Variants in CRIM1 observed in about 807,000 individuals in gnomAD.
CRIM1 encodes cysteine-rich motor neuron 1 protein.
A neutral mutation model predicts 116.4 loss-of-function variants in CRIM1; 32 were observed. The ratio of observed to expected loss-of-function variants is 0.27; its 90% CI spans 0.21 to 0.37. The LOEUF (loss-of-function observed/expected upper bound fraction) is 0.37. Among genes scored for constraint, CRIM1 ranks in the 10% least tolerant of loss-of-function variants. CRIM1 has a pLI of 1.00. For synonymous variants in CRIM1, 590 were observed against 509.2 expected (o/e 1.16, Z -2.13); for missense variants, 1,331 against 1,354.8 (o/e 0.98, Z 0.28).
chr2:36,361,846 C>T (rs1203847193), intron 1 of CRIM1, among the ~76,000 whole-genome samples: 1 of 152,094 alleles, frequency 6.6e-6, no homozygotes, highest in Non-Finnish European at 1.5e-5. Context: ...ATTTTGGAGA[C>T]ACCCCAGTAA....
chr2:36,532,162 T>C (rs764630964), intron 13 of CRIM1: 1 of 357,530 alleles, frequency 2.8e-6, no homozygotes, highest in Non-Finnish European at 5.6e-6. Flanking sequence ...GTTTCAAAAT[T>C]GGCCCTGGAC....
At chr2:36,479,421 A>G (rs1405561307) in intron 6 of CRIM1, 76 bp from the exon 7 acceptor site, 8 of 1,468,876 alleles carry the variant, frequency 5.4e-6, no homozygotes, top group East Asian at 2.3e-5. Context: ...ACCCAGGGAA[A>G]AAATGTCTCT....
rs774662983 is a variant in CRIM1, at chr2:36,522,074, A to G, written c.2207-18A>G. 2.2e-5 allele frequency: 35 copies of G among 1,608,298 alleles called. No individual in the cohort carries two copies. The Admixed American group carries it at 4.0e-4, about 18-fold the overall frequency. ...CCAACAGCATCTTCTTTGCTGACCT[A>G]TATGTTCATTTTTCCAGATCAACCT... On this transcript the variant is annotated intron_variant, in intron 12 of 16. Transcript: ENST00000280527.
rs1264782055 is a variant in CRIM1 at position 36,416,059 on chromosome 2, T to C, written c.505+19272T>C. ...CCTGTCTCTACTAAAAATATAAAAA[T>C]TAGCTTGGCATGGTAGGGTGTGCCT... On this transcript the variant is annotated intron_variant, in intron 2 of 16. Transcript: ENST00000280527. Among the ~76,000 whole-genome samples, 8 of 152,110 alleles carry C rather than the reference T, an allele frequency of 5.3e-5. No homozygotes were observed. In the East Asian group the frequency reaches 1.5e-3, roughly 29 times the overall value.
At chr2:36,396,037 G>A (rs1237588841) in intron 1 of CRIM1, among the ~76,000 whole-genome samples, 5 of 152,096 alleles carry the variant, frequency 3.3e-5, no homozygotes, top group Admixed American at 1.3e-4. Flanking sequence ...ACTCCTGAGT[G>A]CTGGGACCAC....
Position 36,513,636 on chromosome 2 carries a change from A to G in CRIM1, c.1861A>G (p.Ser621Gly). Reference sequence around the variant, plus strand: ...TGGTCATCATCATAAAAATGAGGAGAGCTGGCACGATGGGTGCCGGGAATG... The same window carrying G: ...TGGTCATCATCATAAAAATGAGGAGGGCTGGCACGATGGGTGCCGGGAATG... The part of the protein sequence containing the change: ...VDGHHHKNEE[S>G]WHDGCRECYC... The change falls in exon 11 of 17, where the codon AGC becomes GGC. Residue 621 changes from serine (S) to glycine (G), a missense_variant. Physicochemically the swap from Ser to Gly is moderately conservative, Grantham distance 56. Transcript: ENST00000280527. The G allele has an allele frequency of 1.9e-6, 3 of 1,614,172 alleles. No individual in the cohort carries two copies. Among genetic ancestry groups the G allele is most frequent in the Non-Finnish European group, 2.5e-6 (3 of 1,180,032 alleles).
At chr2:36,421,989 TTTTG>T (rs1353744730) in intron 2 of CRIM1, among the ~76,000 whole-genome samples, 1 of 152,012 alleles carries the variant, frequency 6.6e-6, no homozygotes, top group South Asian at 2.1e-4. Flanking sequence ...AGAATTCTAT[TTTTG>T]CTAAAACATA....
intron 7 of CRIM1, among the ~76,000 whole-genome samples, chr2:36,491,620 G>A (rs1172253663): frequency 6.6e-6 from 1 of 152,132 alleles, no homozygotes; most frequent in African/African-American, 2.4e-5. Flanking sequence ...CATTCATTGA[G>A]CAGTTCTATA....
At chr2:36,363,560 C>T (rs1669385753) in intron 1 of CRIM1, among the ~76,000 whole-genome samples, 1 of 133,326 alleles carries the variant, frequency 7.5e-6, no homozygotes, top group Non-Finnish European at 1.6e-5. Context: ...CTTTTTATAC[C>T]TTGTCTAAAT....
intron 8 of CRIM1, among the ~76,000 whole-genome samples, chr2:36,504,211 G>A (rs1681224587): frequency 6.6e-6 from 1 of 152,088 alleles, no homozygotes; most frequent in African/African-American, 2.4e-5. Flanking sequence ...CACCCCACAA[G>A]TATTTCTTCT....
chr2:36,419,846 G>A (rs1363522808), intron 2 of CRIM1, among the ~76,000 whole-genome samples: 1 of 152,148 alleles, frequency 6.6e-6, no homozygotes, highest in Non-Finnish European at 1.5e-5. Context: ...TATATACAGT[G>A]GTCATCATAT....
chr2:36,426,358 G>A (rs1406563567), intron 2 of CRIM1, among the ~76,000 whole-genome samples: 1 of 152,098 alleles, frequency 6.6e-6, no homozygotes, highest in African/African-American at 2.4e-5. Flanking sequence ...AATCTTGAAG[G>A]TCATTTGAGA....
At chr2:36,532,317 T>C (rs1293198777) in intron 13 of CRIM1, among the ~76,000 whole-genome samples, 1 of 152,164 alleles carries the variant, frequency 6.6e-6, no homozygotes, top group Non-Finnish European at 1.5e-5. Context: ...ATAAACGTTA[T>C]TATGTTAGTG....
intron 7 of CRIM1, among the ~76,000 whole-genome samples, chr2:36,491,042 G>A: frequency 6.6e-6 from 1 of 152,218 alleles, no homozygotes; most frequent in Middle Eastern, 3.2e-3. Context: ...AGTAGAAGAT[G>A]AGCTCCTGAG....
chr2:36,522,189 G>A lies in CRIM1; in HGVS notation c.2304G>A (p.Lys768=). ...TATTCCTGGCAGCTGAGTCCTGGAA[G>A]CCTGACGTTTGTACCAGCTGCATCT... ...GDIFLAAESW[K]PDVCTSCICI... is the part of the protein sequence containing the mutation. The change falls in exon 13 of 17, where the codon AAG becomes AAA. Residue 768 remains lysine (K), a synonymous_variant. Transcript: ENST00000280527. 1 of 1,614,118 alleles carries A rather than the reference G, an allele frequency of 6.2e-7. No individual in the cohort carries two copies. The highest frequency in any genetic ancestry group is 1.3e-5 in the African/African-American group (1 of 75,054).
intron 1 of CRIM1, among the ~76,000 whole-genome samples, chr2:36,379,686 T>G (rs975418004): frequency 1.3e-5 from 2 of 151,954 alleles, no homozygotes; most frequent in African/African-American, 4.8e-5. Flanking sequence ...TGTTGAATCC[T>G]TGCTTGAGAG....
At chr2:36,542,699 G>A (rs940323168) in intron 14 of CRIM1, among the ~76,000 whole-genome samples, 9 of 152,320 alleles carry the variant, frequency 5.9e-5, no homozygotes, top group Non-Finnish European at 1.2e-4. Context: ...CCTGGACTAG[G>A]CAGGGGAGGG....
At chr2:36,388,113 T>C (rs1423100109) in intron 1 of CRIM1, among the ~76,000 whole-genome samples, 7 of 152,182 alleles carry the variant, frequency 4.6e-5, no homozygotes, top group African/African-American at 1.7e-4. Flanking sequence ...AAAAAATCTT[T>C]TTATTATAGA....
intron 8 of CRIM1, among the ~76,000 whole-genome samples, chr2:36,509,452 A>G (rs545626961): frequency 1.8e-4 from 27 of 152,196 alleles, no homozygotes; most frequent in African/African-American, 6.0e-4. Context: ...ACTTGAACCC[A>G]GGAGACAGAA....
Sources: gnomAD v4.1 joint callset for allele counts (sites outside exome capture counted in the v4.1 genomes callset) on GRCh38, gnomAD v4.1.1 for gene constraint, MANE v1.5 for transcripts, NCBI Gene and HGNC (gene_info 2026-07-23, HGNC 2026-07-21) for gene names.